FAT1: variants seen among roughly 807,000 people sequenced by gnomAD.
The protein encoded by FAT1 is protocadherin Fat 1.
A neutral mutation model predicts 329.8 loss-of-function variants in FAT1; 171 were observed. The ratio of observed to expected loss-of-function variants is 0.52; its 90% CI spans 0.46 to 0.59. The LOEUF (loss-of-function observed/expected upper bound fraction) is 0.59, where lower values mean the gene tolerates loss of function less well. FAT1 is among the 20% of genes least tolerant of loss of function. FAT1 has a pLI of 0.00. For synonymous variants in FAT1, 2,233 were observed against 2,228.6 expected (o/e 1.00, Z -0.06); for missense variants, 5,672 against 5,774.4 (o/e 0.98, Z 0.57).
Position 186,620,972 on chromosome 4 carries a change from T to C in FAT1, c.5614A>G (p.Ile1872Val). The C allele has an allele frequency of 1.9e-6, 3 of 1,613,688 alleles. No homozygotes were observed. The highest frequency in any genetic ancestry group is 2.5e-6 in the Non-Finnish European group (3 of 1,179,890). The change falls in exon 10 of 27, where the codon ATT becomes GTT. Residue 1872 changes from isoleucine (I) to valine (V), a missense_variant. Physicochemically the swap from Ile to Val is conservative, Grantham distance 29. Coordinates refer to ENST00000441802, the MANE Select transcript of FAT1 (RefSeq NM_005245.4). ...GCAAACACAGGGGGGCAGTCATTAA[T>C]GTCAATTACATGTACTGTTACATTC... ...AANVTVHVID[I>V]NDCPPVFAKP... is the part of the protein sequence containing the mutation.
intron 11 of FAT1, among the ~76,000 whole-genome samples, chr4:186,615,275 A>T (rs1421315480): frequency 6.6e-6 from 1 of 152,182 alleles, no homozygotes; most frequent in African/African-American, 2.4e-5. Flanking sequence ...AAGAACTGGA[A>T]TTAACTCCTC....
intron 1 of FAT1, among the ~76,000 whole-genome samples, chr4:186,716,776 G>T (rs540121955): frequency 3.5e-4 from 53 of 152,176 alleles, no homozygotes; most frequent in Admixed American, 1.1e-3. Context: ...AATTGTAAAC[G>T]AGTTTTTTTG....
rs2126467183 is a variant in FAT1 at position 186,611,476 on chromosome 4, C to T, written c.9763G>A (p.Ala3255Thr). Residue 3255 changes from alanine to threonine, a missense_variant, in exon 14 of 27, where the codon GCA (alanine) becomes ACA (threonine). Physicochemically the swap from Ala to Thr is moderately conservative, Grantham distance 58 (BLOSUM62 0). Transcript: ENST00000441802. ...VGTEVLQVYA[A>T]SRDIEANAEI... is the part of the protein sequence containing the mutation. ...GCATTTGCTTCAATATCCCGACTTG[C>T]TGCATACACTTGAAGAACTTCAGTT... 1.2e-6 allele frequency: 2 copies of T among 1,613,890 alleles called. No individual in the cohort carries two copies. Among genetic ancestry groups the T allele is most frequent in the Non-Finnish European group, 1.7e-6 (2 of 1,179,796 alleles).
In FAT1 at chr4:186,588,610, C is replaced by T. The variant is rs1413137505; in HGVS notation, c.13749G>A (p.Gln4583=). The T allele has an allele frequency of 1.2e-6, 2 of 1,611,822 alleles. No individual in the cohort carries two copies. Among genetic ancestry groups the T allele is most frequent in the African/African-American group, 2.7e-5 (2 of 74,920 alleles). The change falls in exon 27 of 27, where the codon CAG becomes CAA. Residue 4583 remains glutamine (Q), a synonymous_variant. Transcript: ENST00000441802. ...EEVTIPPLDS[Q]QHTEV is the part of the protein sequence containing the mutation. ...TTGAGAGTCAGACTTCCGTGTGCTG[C>T]TGGGAATCCAGGGGCGGGATCGTCA...
intron 2 of FAT1, among the ~76,000 whole-genome samples, chr4:186,692,465 AC>A (rs1427942819): frequency 1.4e-4 from 22 of 151,984 alleles, no homozygotes; most frequent in African/African-American, 5.3e-4. Flanking sequence ...GGCGCCCGCC[AC>A]CACGCCCGGC....
Position 186,723,765 on chromosome 4 carries a change from C to T in FAT1, c.-120G>A, listed in dbSNP as rs1457718080. ...CGGGCCTGCCGGGGCCCTCGCCGGGCTCGCGCGTCCGCATGGTACCTGCCG... is the reference window on the plus strand; with the variant it reads ...CGGGCCTGCCGGGGCCCTCGCCGGGTTCGCGCGTCCGCATGGTACCTGCCG... On this transcript the variant is annotated 5_prime_UTR_variant, in exon 1 of 27. Transcript: ENST00000441802. 2.0e-5 allele frequency: 3 copies of T among 150,728 alleles called. No individual in the cohort carries two copies. Among genetic ancestry groups the T allele is most frequent in the Admixed American group, 1.3e-4 (2 of 15,154 alleles). The allele number at this position is 150,728 out of a possible 1,614,324, so 9.3% of individuals were successfully genotyped here. A position where few individuals can be genotyped will look rare whatever the true frequency, so the allele number is the denominator to read the frequency against.
chr4:186,627,451 T>TCC (rs912623923), intron 9 of FAT1, among the ~76,000 whole-genome samples: 30 of 152,260 alleles, frequency 2.0e-4, no homozygotes, highest in African/African-American at 6.7e-4. Context: ...TTCCTGGTGG[T>TCC]CCCCCTTGTT....
At chr4:186,674,862 C>T (rs1255181427) in intron 2 of FAT1, among the ~76,000 whole-genome samples, 12 of 151,914 alleles carry the variant, frequency 7.9e-5, no homozygotes, top group East Asian at 3.9e-4. Context: ...GGCGAAACCT[C>T]GTCTTTACAA....
rs115640454 is a variant in FAT1 at position 186,702,017 on chromosome 4, A to G, written c.3265+4546T>C. Among the ~76,000 whole-genome samples the G allele has an allele frequency of 2.6e-4, 26 of 98,286 alleles. 1 individual carries two copies. The highest frequency in any genetic ancestry group is 7.0e-4 in the African/African-American group (13 of 18,670). The allele number at this position is 98,286 out of a possible 152,430, so 64.5% of individuals were successfully genotyped here. A position where few individuals can be genotyped will look rare whatever the true frequency, so the allele number is the denominator to read the frequency against. On this transcript the variant is annotated intron_variant, in intron 2 of 26. Coordinates refer to ENST00000441802, the MANE Select transcript of FAT1 (RefSeq NM_005245.4). Reference sequence around the variant, plus strand: ...GCCGACCCCCACACAGGTGACACAGACATGAGGCCAGGAGCCGACCCCCAC... The same window carrying G: ...GCCGACCCCCACACAGGTGACACAGGCATGAGGCCAGGAGCCGACCCCCAC...
intron 6 of FAT1, 123 bp from the exon 7 acceptor site, chr4:186,633,946 G>T: frequency 9.8e-7 from 1 of 1,017,066 alleles, no homozygotes. Flanking sequence ...AGCTTCCAAG[G>T]AGGAGCATTT....
Position 186,603,523 on chromosome 4 carries a change from C to T in FAT1, c.11003G>A (p.Arg3668Gln), listed in dbSNP as rs201075554. Residue 3668 changes from arginine (R) to glutamine (Q), a missense_variant, in exon 19 of 27, where the codon CGG (arginine) becomes CAG (glutamine). Arg to Gln is a conservative substitution (Grantham distance 43). Around this residue, in one of 2 missense-constraint regions of FAT1, gnomAD observed 1,706 missense variants for 1,859.1 expected, o/e 0.92. Coordinates refer to ENST00000441802, the MANE Select transcript of FAT1 (RefSeq NM_005245.4). ...DYWRNFQRALRNILGVRRNDI... is the reference protein window; with the variant it reads ...DYWRNFQRALQNILGVRRNDI... ...GTTCCTCCTCACACCCAGGATGTTC[C>T]GTAAAGCTCGCTGGAAGTTGCGCCA... The T allele has an allele frequency of 3.0e-5, 48 of 1,613,766 alleles. No homozygotes were observed. The highest frequency in any genetic ancestry group is 9.3e-5 in the African/African-American group (7 of 74,874).
chr4:186,599,981 G>A lies in FAT1; in HGVS notation c.12020C>T (p.Pro4007Leu), dbSNP rs1046241117. ...AHIEESVDVS[P>L]GCFLTATEDC... ...TTCCGTGGCCGTCAGGAAGCAGCCT[G>A]GAGATACATCCACCGACTCTTCGAT... Residue 4007 changes from proline (P) to leucine (L), a missense_variant, in exon 22 of 27, where the codon CCA (proline) becomes CTA (leucine). Physicochemically the swap from Pro to Leu is moderately conservative, Grantham distance 98. This residue lies in a region of FAT1 where 1,706 missense variants were observed against 1,859.1 expected (regional missense o/e 0.92). Transcript: ENST00000441802. 6.2e-7 allele frequency: 1 copy of A among 1,613,976 alleles called. No homozygotes were observed.
intron 15 of FAT1, 68 bp from the exon 16 acceptor site, chr4:186,609,388 G>T: frequency 1.3e-6 from 2 of 1,528,814 alleles, no homozygotes; most frequent in East Asian, 2.3e-5. Flanking sequence ...CACAAAATTT[G>T]TGATATTAAT....
At chr4:186,701,554 C>T (rs1487157030) in intron 2 of FAT1, among the ~76,000 whole-genome samples, 2 of 152,128 alleles carry the variant, frequency 1.3e-5, no homozygotes, top group African/African-American at 4.8e-5. Context: ...TTCCTGCTGC[C>T]AGGAATTCTA....
intron 2 of FAT1, among the ~76,000 whole-genome samples, chr4:186,689,447 T>G (rs1743641167): frequency 2.0e-5 from 3 of 152,204 alleles, no homozygotes; most frequent in Admixed American, 1.3e-4. Flanking sequence ...AATTTTTAAT[T>G]GAAAACAAAG....
chr4:186,707,296 A>G lies in FAT1; in HGVS notation c.2532T>C (p.Val844=), dbSNP rs2126687338. ...DKEVHSEIIQ[V]EATDKDLGPN... is the part of the protein sequence containing the mutation. The stretch of plus-strand genomic sequence containing the variant: ...GCCCCAGGTCTTTATCTGTGGCTTC[A>G]ACCTGGATGATTTCACTATGTACCT... The change falls in exon 2 of 27, where the codon GTT becomes GTC. Residue 844 remains valine (V), a synonymous_variant. Coordinates refer to ENST00000441802, the MANE Select transcript of FAT1 (RefSeq NM_005245.4). 1 of 1,613,958 alleles carries G rather than the reference A, an allele frequency of 6.2e-7. No homozygotes were observed. The highest frequency in any genetic ancestry group is 1.1e-5 in the South Asian group (1 of 91,070).
At chr4:186,623,124 G>A (rs1740128199) in intron 9 of FAT1, among the ~76,000 whole-genome samples, 1 of 152,200 alleles carries the variant, frequency 6.6e-6, no homozygotes. Flanking sequence ...AAGTCTTACT[G>A]GCTCTGCATC....
At chr4:186,725,857 C>G (rs1745701585), upstream of FAT1, among the ~76,000 whole-genome samples, 1 of 152,182 alleles carries the variant, frequency 6.6e-6, no homozygotes, top group Admixed American at 6.5e-5. The surrounding 1 kb of genome is among the most constrained non-coding windows in gnomAD (Gnocchi z 5.4). Flanking sequence ...TCCAGTCCAC[C>G]CAAGCTGATT....
intron 3 of FAT1, among the ~76,000 whole-genome samples, chr4:186,649,035 T>C (rs1489927304): frequency 6.6e-6 from 1 of 152,216 alleles, no homozygotes; most frequent in Non-Finnish European, 1.5e-5. Context: ...AATAGGACTA[T>C]GGACATATAA....
Sources: allele counts gnomAD v4.1 joint callset (sites outside exome capture counted in the v4.1 genomes callset), GRCh38; gene constraint gnomAD v4.1.1; regional missense constraint gnomAD v4.1.1; non-coding constraint Gnocchi (gnomAD v3.1); transcripts MANE v1.5; gene names NCBI Gene and HGNC (gene_info 2026-07-23, HGNC 2026-07-21).